Variants in GPR149 observed in about 807,000 individuals in gnomAD.
GPR149 encodes G protein-coupled receptor 149.
Under a neutral mutation model 50.2 loss-of-function variants are expected in GPR149, and 50 were observed. The observed-to-expected ratio is 1.00, with a 90% confidence interval of 0.79 to 1.26. The LOEUF (loss-of-function observed/expected upper bound fraction) is 1.26. Among genes scored for constraint, GPR149 ranks in the 50% most tolerant of loss-of-function variants. The pLI, the probability that GPR149 is intolerant of heterozygous loss-of-function variation, is 0.00. For synonymous variants in GPR149, 405 were observed against 358.2 expected, an observed-to-expected ratio of 1.13 and a Z score of -1.48; for missense variants, 983 against 895.4, an observed-to-expected ratio of 1.10 and a Z score of -1.25.
At chr3:154,374,422 C>T (rs1316056991) in intron 3 of GPR149, among the ~76,000 whole-genome samples, 1 of 151,974 alleles carries the variant, frequency 6.6e-6, no homozygotes, top group Non-Finnish European at 1.5e-5. Flanking sequence ...ATCCGCCCAC[C>T]TTGGCCTCCT....
In GPR149 at chr3:154,420,923, G is replaced by A. The variant is rs1559990933; in HGVS notation, c.1623+116C>T. Reference sequence around the variant, plus strand: ...TTAAATAGCATGGAAATTAATTGAGGCAAGTGAAGTTAATGTTGGGCTTGA... The same window carrying A: ...TTAAATAGCATGGAAATTAATTGAGACAAGTGAAGTTAATGTTGGGCTTGA... On this transcript the variant is annotated intron_variant, in intron 3 of 3. Transcript: ENST00000389740. The A allele has an allele frequency of 4.2e-6, 3 of 708,744 alleles. No individual in the cohort carries two copies. The East Asian group carries it at 8.2e-5, about 19-fold the overall frequency. 43.9% of individuals were successfully genotyped at this position (708,744 alleles called of 1,614,324 possible). A position where few individuals can be genotyped will look rare whatever the true frequency, so the allele number is the denominator to read the frequency against.
chr3:154,338,188 A>G lies in GPR149; in HGVS notation c.1707T>C (p.Ser569=). Residue 569 remains serine, a synonymous_variant, in exon 4 of 4, where the codon TCT becomes TCC. Coordinates refer to ENST00000389740, the MANE Select transcript of GPR149 (RefSeq NM_001038705.3). The part of the protein sequence containing the change: ...SLHAPTGKTL[S]LSTYEVSAEG... ...CTGCGCTTACCTCATAGGTAGAAAG[A>G]GATAGGGTTTTCCCTGTAGGTGCAT... 3.1e-6 allele frequency: 5 copies of G among 1,614,084 alleles called. No homozygotes were observed. Among genetic ancestry groups the G allele is most frequent in the Non-Finnish European group, 4.2e-6 (5 of 1,179,986 alleles).
intron 3 of GPR149, chr3:154,352,119 G>T: frequency 1.5e-6 from 1 of 688,154 alleles, no homozygotes; most frequent in South Asian, 3.0e-5. Flanking sequence ...CACACTGGTA[G>T]ATTAAGTATC....
At chr3:154,416,640 T>C (rs1312597152) in intron 3 of GPR149, among the ~76,000 whole-genome samples, 1 of 151,928 alleles carries the variant, frequency 6.6e-6, no homozygotes, top group Non-Finnish European at 1.5e-5. Context: ...AAAACTCTTT[T>C]TAGAGAGCTA....
intron 3 of GPR149, among the ~76,000 whole-genome samples, chr3:154,370,847 C>T (rs1714648329): frequency 6.6e-6 from 1 of 152,174 alleles, no homozygotes; most frequent in Admixed American, 6.5e-5. Context: ...CATTAGGAGA[C>T]TTTGTTCTTT....
At chr3:154,358,339 C>G (rs1714293762) in intron 3 of GPR149, among the ~76,000 whole-genome samples, 1 of 151,916 alleles carries the variant, frequency 6.6e-6, no homozygotes, top group African/African-American at 2.4e-5. Context: ...AAATAAACCC[C>G]AAAGTATCTC....
chr3:154,349,367 C>A (rs1333682288), intron 3 of GPR149, among the ~76,000 whole-genome samples: 2 of 152,078 alleles, frequency 1.3e-5, no homozygotes, highest in Non-Finnish European at 2.9e-5. Flanking sequence ...GCAGCAGTGA[C>A]AAAGAGAAGA....
At chr3:154,380,129 C>A (rs897270712) in intron 3 of GPR149, among the ~76,000 whole-genome samples, 3 of 150,474 alleles carry the variant, frequency 2.0e-5, no homozygotes, top group African/African-American at 7.3e-5. Flanking sequence ...TTCATTAACA[C>A]CTCTGACAAA....
At chr3:154,395,221 T>G (rs1223312620) in intron 3 of GPR149, among the ~76,000 whole-genome samples, 1 of 151,928 alleles carries the variant, frequency 6.6e-6, no homozygotes, top group Non-Finnish European at 1.5e-5. Context: ...AAGAACTGAC[T>G]TATTCTTAGA....
rs573775951 is a variant in GPR149, at chr3:154,381,803, C to T, written c.1623+39236G>A. 9.1e-5 allele frequency among the ~76,000 whole-genome samples: 13 copies of T among 142,120 alleles called. No homozygotes were observed. The South Asian group carries it at 3.0e-3, about 33-fold the overall frequency. 93.2% of individuals were successfully genotyped at this position (142,120 alleles called of 152,430 possible). A position where few individuals can be genotyped will look rare whatever the true frequency, so the allele number is the denominator to read the frequency against. ...AGCCTTGTTGATAAGTCATAATATCCAAAATTGAATTTGGTGATGTGCACT... is the reference window on the plus strand; with the variant it reads ...AGCCTTGTTGATAAGTCATAATATCTAAAATTGAATTTGGTGATGTGCACT... On this transcript the variant is annotated intron_variant, in intron 3 of 3. Transcript: ENST00000389740.
Position 154,429,085 on chromosome 3 carries a change from G to A in GPR149, c.531C>T (p.Arg177=). ...AGTCCACCAGGCAGCCCCAGGGCGT[G>A]CGCACGAAGGCGCCCCAGCCGCACA... ...LPLCGWGAFV[R]TPWGCLVDCS... is the part of the protein sequence containing the mutation. Residue 177 remains arginine (R), a synonymous_variant, in exon 1 of 4, where the codon CGC becomes CGT. Transcript: ENST00000389740. 1 of 1,613,710 alleles carries A rather than the reference G, an allele frequency of 6.2e-7. No individual in the cohort carries two copies. The highest frequency in any genetic ancestry group is 8.5e-7 in the Non-Finnish European group (1 of 1,179,938).
intron 3 of GPR149, among the ~76,000 whole-genome samples, chr3:154,384,545 A>C (rs696855): frequency 0.77 from 117,317 of 152,162 alleles, 46,214 homozygotes; most frequent in Middle Eastern, 0.91. Flanking sequence ...TGTGCAATGT[A>C]TGAAAGAATT....
At position 154,391,583 on chromosome 3, in the gene GPR149, C is replaced by T. The variant is rs965608147; in HGVS notation, c.1623+29456G>A. On this transcript the variant is annotated intron_variant, in intron 3 of 3. Transcript: ENST00000389740. ...AAAAAACATGGCTATAGTAAGTACT[C>T]GCCCATCAAAAGGAAGTACATTAAT... Among the ~76,000 whole-genome samples the T allele has an allele frequency of 1.3e-4, 19 of 151,444 alleles. 2 individuals carry two copies. The highest frequency in any genetic ancestry group is 1.1e-3 in the Admixed American group (17 of 15,204).
intron 3 of GPR149, among the ~76,000 whole-genome samples, chr3:154,393,143 G>A (rs1715209115): frequency 6.6e-6 from 1 of 151,876 alleles, no homozygotes; most frequent in South Asian, 2.1e-4. Flanking sequence ...GAAAACTACA[G>A]GCCAATATCC....
At position 154,341,292 on chromosome 3, in the gene GPR149, CATATATATATATATATAT is replaced by C. The variant is rs373212063; in HGVS notation, c.1624-3039_1624-3022del. ...GCAAAAAATCAAGAAAAAAATAAGA[CATATATATATATATATAT>C]ATATATATATATATATATATATATA... is the stretch of plus-strand genomic sequence containing the variant. On this transcript the variant is annotated intron_variant, in intron 3 of 3. Transcript: ENST00000389740. Among the ~76,000 whole-genome samples, 194 of 72,952 alleles carry C rather than the reference CATATATATATATATATAT, an allele frequency of 2.7e-3. 5 individuals carry two copies. Among genetic ancestry groups the C allele is most frequent in the East Asian group, 0.014 (16 of 1,148 alleles). The allele number at this position is 72,952 out of a possible 152,430, so 47.9% of individuals were successfully genotyped here. A position where few individuals can be genotyped will look rare whatever the true frequency, so the allele number is the denominator to read the frequency against.
chr3:154,353,344 G>C lies in GPR149; in HGVS notation c.1624-15073C>G, dbSNP rs190183600. The C allele has an allele frequency of 1.9e-4, 265 of 1,426,698 alleles. 2 individuals carry two copies. In the South Asian group the frequency reaches 2.1e-3, roughly 12 times the overall value. The allele number at this position is 1,426,698 out of a possible 1,614,324, so 88.4% of individuals were successfully genotyped here. ...TTATTTGCAACTTTGTATACCCACT[G>C]TGGGCAAGTTGCAGAAAAAAGTAAA... On this transcript the variant is annotated intron_variant, in intron 3 of 3. Transcript: ENST00000389740.
intron 3 of GPR149, among the ~76,000 whole-genome samples, chr3:154,395,299 C>G (rs1204607507): frequency 6.6e-6 from 1 of 151,596 alleles, no homozygotes; most frequent in Non-Finnish European, 1.5e-5. Flanking sequence ...ATCGTAATTT[C>G]TAGAGCAAGA....
intron 3 of GPR149, chr3:154,352,451 G>A: frequency 2.5e-6 from 2 of 813,804 alleles, no homozygotes; most frequent in Non-Finnish European, 4.4e-6. Context: ...GAACATCAAA[G>A]CAAACACCCA....
At chr3:154,414,360 G>T (rs1472981157) in intron 3 of GPR149, among the ~76,000 whole-genome samples, 1 of 151,942 alleles carries the variant, frequency 6.6e-6, no homozygotes, top group African/African-American at 2.4e-5. Context: ...CAGGAATCAT[G>T]TATAAAAATG....
Sources: allele counts gnomAD v4.1 joint callset (sites outside exome capture counted in the v4.1 genomes callset), GRCh38; gene constraint gnomAD v4.1.1; transcripts MANE v1.5; gene names NCBI Gene and HGNC (gene_info 2026-07-23, HGNC 2026-07-21).